Variants in PTPRZ1 observed in about 807,000 individuals in gnomAD.
The protein encoded by PTPRZ1 is receptor-type tyrosine-protein phosphatase zeta.
In PTPRZ1, 82 loss-of-function variants were observed where a neutral mutation model predicts 214.1. That is an observed-to-expected ratio of 0.38 (90% CI 0.32 to 0.46). The LOEUF (loss-of-function observed/expected upper bound fraction) is 0.46, where lower values mean the gene tolerates loss of function less well. Ranked by LOEUF, PTPRZ1 falls within the 20% of genes least tolerant of loss-of-function variation. The pLI is 1.00. For synonymous variants in PTPRZ1, 945 were observed against 987.9 expected, an observed-to-expected ratio of 0.96 and a Z score of 0.81; for missense variants, 2,603 against 2,748.7, an observed-to-expected ratio of 0.95 and a Z score of 1.19.
rs117609980 is a variant in PTPRZ1, at chr7:122,027,478, A to G, written c.4989-1074A>G. Among the ~76,000 whole-genome samples the G allele has an allele frequency of 3.4e-3, 516 of 152,328 alleles. 3 individuals are homozygous for G. The highest frequency in any genetic ancestry group is 5.4e-3 in the Non-Finnish European group (370 of 68,024). ...AAAATAAAGATTTAGGTGTGTCACT[A>G]TATAAGAACAAATGTTACATTAAAA... On this transcript the variant is annotated intron_variant, in intron 13 of 29. Transcript: ENST00000393386.
intron 27 of PTPRZ1, among the ~76,000 whole-genome samples, chr7:122,058,444 CA>C (rs1227799850): frequency 6.6e-6 from 1 of 152,042 alleles, no homozygotes; most frequent in African/African-American, 2.4e-5. Context: ...ATTTTCAAAA[CA>C]GATTTTAACA....
chr7:121,873,800 G>C (rs1409334871), intron 1 of PTPRZ1, among the ~76,000 whole-genome samples: 2 of 152,300 alleles, frequency 1.3e-5, no homozygotes, highest in East Asian at 3.9e-4. Flanking sequence ...TCGTGCCCCG[G>C]GCCCCAGGAG....
chr7:121,890,252 A>G (rs1397825573), intron 1 of PTPRZ1, among the ~76,000 whole-genome samples: 1 of 151,924 alleles, frequency 6.6e-6, no homozygotes, highest in Non-Finnish European at 1.5e-5. Context: ...TCCCATCCCA[A>G]CTCCTACTTC....
chr7:121,952,608 G>GAA (rs1371197045), intron 2 of PTPRZ1, among the ~76,000 whole-genome samples: 1 of 151,990 alleles, frequency 6.6e-6, no homozygotes, highest in African/African-American at 2.4e-5. Flanking sequence ...GAAAAGAAAA[G>GAA]AAAAGTTTTG....
intron 10 of PTPRZ1, among the ~76,000 whole-genome samples, chr7:122,002,254 G>A (rs1242901762): frequency 6.6e-6 from 1 of 152,188 alleles, no homozygotes; most frequent in African/African-American, 2.4e-5. Context: ...CAGTTCAAAT[G>A]ATCTCAGTCC....
intron 1 of PTPRZ1, among the ~76,000 whole-genome samples, chr7:121,923,189 G>T (rs769233771): frequency 1.3e-5 from 2 of 152,000 alleles, no homozygotes; most frequent in Non-Finnish European, 2.9e-5. Context: ...CTTTTCTCAG[G>T]TCTCTTCTTT....
In PTPRZ1 at chr7:122,040,994, T is replaced by A; in HGVS notation, c.5801+15T>A. On this transcript the variant is annotated intron_variant, in intron 21 of 29. Coordinates refer to ENST00000393386, the MANE Select transcript of PTPRZ1 (RefSeq NM_002851.3). ...GTCCACTGCAGGTGAGTCTCAGAGA[T>A]GTGCCTCTAAACCCATAGAATTGCT... 2 of 1,516,874 alleles carry A rather than the reference T, an allele frequency of 1.3e-6. No homozygotes were observed. The highest frequency in any genetic ancestry group is 1.8e-6 in the Non-Finnish European group (2 of 1,122,360). 94.0% of individuals were successfully genotyped at this position (1,516,874 alleles called of 1,614,324 possible). A position where few individuals can be genotyped will look rare whatever the true frequency, so the allele number is the denominator to read the frequency against.
chr7:121,895,204 G>A (rs1451800304), intron 1 of PTPRZ1, among the ~76,000 whole-genome samples: 1 of 152,158 alleles, frequency 6.6e-6, no homozygotes, highest in African/African-American at 2.4e-5. Context: ...TGGCCTGAAA[G>A]TCTGGCTGTG....
At chr7:121,917,038 A>G (rs770666999) in intron 1 of PTPRZ1, among the ~76,000 whole-genome samples, 8 of 152,250 alleles carry the variant, frequency 5.3e-5, no homozygotes, top group Non-Finnish European at 1.0e-4. Flanking sequence ...TGATTCTGCT[A>G]GCCAGCTAGA....
At chr7:122,054,547 A>C (rs1792291071) in intron 26 of PTPRZ1, among the ~76,000 whole-genome samples, 1 of 152,036 alleles carries the variant, frequency 6.6e-6, no homozygotes, top group South Asian at 2.1e-4. Flanking sequence ...TAAATATTTC[A>C]TTTAGGCTTT....
chr7:121,924,487 T>C (rs574226849), intron 1 of PTPRZ1, among the ~76,000 whole-genome samples: 2 of 152,248 alleles, frequency 1.3e-5, no homozygotes, highest in South Asian at 4.1e-4. Flanking sequence ...AAGGGAACAA[T>C]ACATAAAGGA....
chr7:121,976,092 A>G, intron 4 of PTPRZ1, 81 bp from the exon 5 acceptor site: 1 of 916,078 alleles, frequency 1.1e-6, no homozygotes, highest in Non-Finnish European at 1.7e-6. Context: ...AGATTTTGGA[A>G]ATACTTAGAA....
rs115182356 is a variant in PTPRZ1 at position 122,022,827 on chromosome 7, T to C, written c.4988+3559T>C. Among the ~76,000 whole-genome samples, 548 of 152,260 alleles carry C rather than the reference T, an allele frequency of 3.6e-3. 2 individuals carry two copies. Among genetic ancestry groups the C allele is most frequent in the African/African-American group, 0.013 (534 of 41,566 alleles). ...ATGCTTCCCAGTTGCAAAACTTTAA[T>C]TGAAAGCTACAGGAATCAAGAGAGT... On this transcript the variant is annotated intron_variant, in intron 13 of 29. Coordinates refer to ENST00000393386, the MANE Select transcript of PTPRZ1 (RefSeq NM_002851.3).
At chr7:121,908,372 T>TA in intron 1 of PTPRZ1, 1 of 313,188 alleles carries the variant, frequency 3.2e-6, no homozygotes, top group Admixed American at 4.6e-5. Context: ...TGGAAAAGAA[T>TA]ATCAACTATA....
intron 23 of PTPRZ1, among the ~76,000 whole-genome samples, chr7:122,046,851 G>T (rs919944524): frequency 1.3e-5 from 2 of 152,104 alleles, no homozygotes; most frequent in Admixed American, 1.3e-4. Context: ...AATGGATTTG[G>T]GAGTGATCAG....
At chr7:121,999,587 T>C (rs1202112473) in intron 10 of PTPRZ1, among the ~76,000 whole-genome samples, 1 of 152,220 alleles carries the variant, frequency 6.6e-6, no homozygotes, top group Non-Finnish European at 1.5e-5. Context: ...CTTGGTTTAA[T>C]TATGCTACTC....
Position 122,011,099 on chromosome 7 carries a change from G to A in PTPRZ1, c.2053G>A (p.Glu685Lys), listed in dbSNP as rs1798646674. ...QTNYTEIRVD[E>K]SEKTTKSFSA... ...TAATTACACTGAGATACGTGTTGAT[G>A]AATCTGAGAAGACAACCAAGTCCTT... The change falls in exon 12 of 30, where the codon GAA (glutamate) becomes AAA (lysine). Residue 685 changes from glutamate (E) to lysine (K), a missense_variant. Physicochemically the swap from Glu to Lys is moderately conservative, Grantham distance 56. This residue lies in a region of PTPRZ1 where 1,913 missense variants were observed against 1,914.3 expected (regional missense o/e 1.00). Transcript: ENST00000393386. 6.2e-7 allele frequency: 1 copy of A among 1,614,028 alleles called. No homozygotes were observed.
At chr7:121,926,104 A>T (rs1412498357) in intron 1 of PTPRZ1, among the ~76,000 whole-genome samples, 1 of 152,176 alleles carries the variant, frequency 6.6e-6, no homozygotes, top group Non-Finnish European at 1.5e-5. Context: ...GGAGTTCGAG[A>T]CCAGCCTGAC....
chr7:122,007,482 C>A (rs926084486), intron 11 of PTPRZ1, among the ~76,000 whole-genome samples: 1 of 152,044 alleles, frequency 6.6e-6, no homozygotes, highest in African/African-American at 2.4e-5. Flanking sequence ...TCGAAAGAGA[C>A]CCATGTCACA....
Sources: gnomAD v4.1 joint callset for allele counts (sites outside exome capture counted in the v4.1 genomes callset) on GRCh38, gnomAD v4.1.1 for gene constraint, gnomAD v4.1.1 regional missense constraint, MANE v1.5 for transcripts, NCBI Gene and HGNC (gene_info 2026-07-23, HGNC 2026-07-21) for gene names.